Variants in SGCD observed in about 807,000 individuals in gnomAD.
SGCD encodes sarcoglycan delta.
SGCD carries 18 observed loss-of-function variants against 36.6 expected under a neutral mutation model. The observed-to-expected ratio is 0.49, with a 90% CI of 0.34 to 0.73. SGCD has a LOEUF of 0.73. SGCD is among the 30% of genes least tolerant of loss of function. The probability of loss-of-function intolerance (pLI) is 0.01; values close to 1 mark genes in which losing one functional copy is unlikely to be tolerated. For synonymous variants in SGCD, 133 were observed against 130.6 expected, an observed-to-expected ratio of 1.02 and a Z score of -0.12; for missense variants, 387 against 346.7, an observed-to-expected ratio of 1.12 and a Z score of -0.92.
the SGCD span, among the ~76,000 whole-genome samples, chr5:155,772,608 T>C: frequency 6.6e-6 from 1 of 152,160 alleles, no homozygotes; most frequent in Non-Finnish European, 1.5e-5. Flanking sequence ...CAAATGAATG[T>C]TACTTCGGAG....
chr5:155,850,322 C>CA, the SGCD span, among the ~76,000 whole-genome samples: 1 of 151,914 alleles, frequency 6.6e-6, no homozygotes, highest in Admixed American at 6.6e-5. Flanking sequence ...TGCCTAGCCT[C>CA]AAAAAATGCT....
intron 6 of SGCD, among the ~76,000 whole-genome samples, chr5:156,626,980 G>A (rs887058740): frequency 6.6e-6 from 1 of 152,184 alleles, no homozygotes; most frequent in Non-Finnish European, 1.5e-5. Flanking sequence ...CTCATAGTTT[G>A]ATGTATTTCT....
intron 3 of SGCD, among the ~76,000 whole-genome samples, chr5:156,127,739 A>T (rs1240624662): frequency 6.6e-6 from 1 of 151,814 alleles, no homozygotes; most frequent in East Asian, 1.9e-4. Context: ...AAATTGCTTG[A>T]ACAAATAATA....
intron 6 of SGCD, among the ~76,000 whole-genome samples, chr5:156,645,880 G>A (rs1325273005): frequency 6.6e-6 from 1 of 152,146 alleles, no homozygotes; most frequent in African/African-American, 2.4e-5. Flanking sequence ...TGGATAAGAA[G>A]GATGAATAAG....
chr5:155,896,227 T>G (rs1417923209), intron 1 of SGCD, among the ~76,000 whole-genome samples: 1 of 152,220 alleles, frequency 6.6e-6, no homozygotes, highest in African/African-American at 2.4e-5. Context: ...ATCAGAGTTC[T>G]AGTTCTAGTC....
chr5:156,120,226 A>T (rs1400535091), intron 2 of SGCD, among the ~76,000 whole-genome samples: 1 of 152,040 alleles, frequency 6.6e-6, no homozygotes, highest in Non-Finnish European at 1.5e-5. Flanking sequence ...TTGTTGAAGG[A>T]GGGAAATAAA....
the SGCD span, among the ~76,000 whole-genome samples, chr5:155,798,812 G>A: frequency 2.6e-5 from 4 of 152,186 alleles, no homozygotes; most frequent in Admixed American, 2.0e-4. Context: ...ACCCTTGCTT[G>A]GTATTTCTAG....
At chr5:155,932,137 A>G (rs1757112546) in intron 1 of SGCD, among the ~76,000 whole-genome samples, 1 of 152,234 alleles carries the variant, frequency 6.6e-6, no homozygotes, top group Non-Finnish European at 1.5e-5. Context: ...ACAAACATTC[A>G]GATCATAGCA....
rs150709700 is a variant in SGCD at position 156,504,641 on chromosome 5, A to G, written c.193-3960A>G. Among the ~76,000 whole-genome samples the G allele has an allele frequency of 3.8e-4, 58 of 152,228 alleles. 1 individual carries two copies. Among genetic ancestry groups the G allele is most frequent in the African/African-American group, 1.3e-3 (56 of 41,536 alleles). On this transcript the variant is annotated intron_variant, in intron 3 of 8. Coordinates refer to ENST00000337851, the MANE Select transcript of SGCD (RefSeq NM_000337.6). ...TTTTCTCTTATTAACTGACATGGTG[A>G]CGAACAACTCTAAAGCTAAATACTT...
chr5:155,741,289 A>G, the SGCD span, among the ~76,000 whole-genome samples: 3 of 152,200 alleles, frequency 2.0e-5, no homozygotes, highest in Admixed American at 6.5e-5. Context: ...TCAGACCCTA[A>G]AAGGTGCCAC....
intron 3 of SGCD, among the ~76,000 whole-genome samples, chr5:156,143,934 G>A (rs1365235995): frequency 7.9e-6 from 1 of 126,078 alleles, no homozygotes; most frequent in African/African-American, 3.2e-5. Context: ...TCCCCTTCCT[G>A]TGTCCATGTT....
intron 1 of SGCD, among the ~76,000 whole-genome samples, chr5:156,042,438 C>T (rs1759662267): frequency 6.6e-6 from 1 of 152,160 alleles, no homozygotes; most frequent in African/African-American, 2.4e-5. Context: ...TCATTTTGCC[C>T]ACTGCCCAGA....
upstream of SGCD, among the ~76,000 whole-genome samples, chr5:156,326,089 T>C (rs912469591): frequency 6.6e-6 from 1 of 152,164 alleles, no homozygotes; most frequent in Non-Finnish European, 1.5e-5. Context: ...AAACAAATGC[T>C]CCTCTCTCTT....
At chr5:156,129,180 T>C (rs562365212) in intron 3 of SGCD, among the ~76,000 whole-genome samples, 2 of 152,358 alleles carry the variant, frequency 1.3e-5, no homozygotes, top group South Asian at 4.1e-4. Flanking sequence ...ATGTAAATTA[T>C]ATTTCAATTT....
chr5:156,644,238 G>C (rs1279872027), intron 6 of SGCD, among the ~76,000 whole-genome samples: 1 of 151,936 alleles, frequency 6.6e-6, no homozygotes, highest in East Asian at 1.9e-4. Context: ...AGTAATTTTT[G>C]TGTCTAGTGT....
chr5:156,088,018 T>G (rs1761144884), intron 1 of SGCD, among the ~76,000 whole-genome samples: 2 of 152,154 alleles, frequency 1.3e-5, no homozygotes, highest in African/African-American at 4.8e-5. Context: ...TACCAGTTAA[T>G]GCCAGGTCAC....
chr5:156,537,458 G>GA (rs1488434013), intron 4 of SGCD, among the ~76,000 whole-genome samples: 4 of 55,334 alleles, frequency 7.2e-5, no homozygotes, highest in South Asian at 6.6e-4. Context: ...GAAGGTAGCA[G>GA]CCACACACAC....
chr5:156,327,323 G>C (rs978297949), intron 1 of SGCD, 91 bp downstream of exon 1: 1 of 152,288 alleles, frequency 6.6e-6, no homozygotes, highest in Non-Finnish European at 1.5e-5. Context: ...CGAGTTTTTA[G>C]TGTGTGCATG....
intron 3 of SGCD, among the ~76,000 whole-genome samples, chr5:156,430,136 C>T (rs1410993299): frequency 6.6e-6 from 1 of 152,090 alleles, no homozygotes; most frequent in East Asian, 1.9e-4. Context: ...ATTTCTCTTC[C>T]TCAGGAACAC....
Sources: gnomAD v4.1 joint callset for allele counts (sites outside exome capture counted in the v4.1 genomes callset) on GRCh38, gnomAD v4.1.1 for gene constraint, MANE v1.5 for transcripts, NCBI Gene and HGNC (gene_info 2026-07-23, HGNC 2026-07-21) for gene names.